Variants in ABLIM1 observed in about 807,000 individuals in gnomAD.
ABLIM1 encodes actin-binding LIM protein 1.
In ABLIM1, 40 loss-of-function variants were observed where a neutral mutation model predicts 107.0. That is an observed-to-expected ratio of 0.37 (90% CI 0.29 to 0.49). The LOEUF is 0.49. ABLIM1 is among the 20% of genes least tolerant of loss of function. The probability of loss-of-function intolerance (pLI) is 0.97; values close to 1 mark genes in which losing one functional copy is unlikely to be tolerated. For synonymous variants in ABLIM1, 357 were observed against 357.3 expected (o/e 1.00, Z 0.01); for missense variants, 857 against 1,008.5 (o/e 0.85, Z 2.04).
chr10:114,441,249 T>C (rs2060156608), intron 18 of ABLIM1, among the ~76,000 whole-genome samples, 172 bp from the exon 19 acceptor site: 1 of 152,210 alleles, frequency 6.6e-6, no homozygotes, highest in Non-Finnish European at 1.5e-5. Context: ...TCTTTGTCTT[T>C]TTTAGTGTAC....
At chr10:114,604,613 C>T (rs926190600) in intron 1 of ABLIM1, among the ~76,000 whole-genome samples, 4 of 152,216 alleles carry the variant, frequency 2.6e-5, no homozygotes, top group Non-Finnish European at 1.5e-5. Flanking sequence ...GATTCTTACG[C>T]ATACTCCAAT....
At chr10:114,697,483 G>GC in intron 1 of ABLIM1, among the ~76,000 whole-genome samples, 1 of 152,378 alleles carries the variant, frequency 6.6e-6, no homozygotes, top group South Asian at 2.1e-4. Context: ...AGCCCACTCA[G>GC]CCCGGGGCAG....
At chr10:114,510,216 AATCAACAGGGTAGT>A (rs777936119) in intron 6 of ABLIM1, among the ~76,000 whole-genome samples, 4 of 152,156 alleles carry the variant, frequency 2.6e-5, no homozygotes, top group African/African-American at 4.8e-5. Context: ...TGTGCATTAG[AATCAACAGGGTAGT>A]TTTAAAAAAG....
At chr10:114,480,813 T>TAC (rs138743461) in intron 8 of ABLIM1, among the ~76,000 whole-genome samples, 2 of 152,294 alleles carry the variant, frequency 1.3e-5, no homozygotes, top group East Asian at 3.9e-4. Flanking sequence ...TTCATGTCTT[T>TAC]ACGTTTGATT....
chr10:114,748,703 C>T (rs2082441388), intron 1 of ABLIM1, among the ~76,000 whole-genome samples: 1 of 147,084 alleles, frequency 6.8e-6, no homozygotes, highest in Non-Finnish European at 1.5e-5. Flanking sequence ...ATCACCCAGA[C>T]TGGAGTGCAG....
intron 8 of ABLIM1, among the ~76,000 whole-genome samples, chr10:114,476,838 GT>G (rs2056515793): frequency 6.6e-6 from 1 of 151,978 alleles, no homozygotes; most frequent in African/African-American, 2.4e-5. Context: ...TCAGTTTCAA[GT>G]GGCCAGGATC....
intron 1 of ABLIM1, among the ~76,000 whole-genome samples, chr10:114,760,819 T>C (rs1489903519): frequency 6.6e-6 from 1 of 152,230 alleles, no homozygotes; most frequent in East Asian, 1.9e-4. Context: ...AAATGATCTC[T>C]CTCATGTAAA....
intron 1 of ABLIM1, among the ~76,000 whole-genome samples, chr10:114,681,601 C>G (rs1211240556): frequency 2.0e-5 from 3 of 152,226 alleles, no homozygotes; most frequent in African/African-American, 4.8e-5. Context: ...ACATCCCCTT[C>G]TAACTCTCTA....
intron 1 of ABLIM1, among the ~76,000 whole-genome samples, chr10:114,720,358 G>C (rs201369050): frequency 5.3e-5 from 8 of 152,154 alleles, no homozygotes; most frequent in African/African-American, 1.9e-4. Context: ...CTTTATAACA[G>C]AATGATTTAT....
At chr10:114,535,911 G>C (rs1156795085) in intron 6 of ABLIM1, among the ~76,000 whole-genome samples, 6 of 152,172 alleles carry the variant, frequency 3.9e-5, no homozygotes, top group African/African-American at 7.2e-5. Context: ...AGTTCCTCAG[G>C]ACTGACTTTG....
chr10:114,601,653 C>T lies in ABLIM1; in HGVS notation c.379+174G>A, dbSNP rs146427127. The T allele has an allele frequency of 2.9e-4, 304 of 1,051,568 alleles. 1 individual carries two copies. Among genetic ancestry groups the T allele is most frequent in the Admixed American group, 5.2e-4 (29 of 55,416 alleles). The allele number at this position is 1,051,568 out of a possible 1,614,324, so 65.1% of individuals were successfully genotyped here. On this transcript the variant is annotated intron_variant, in intron 2 of 22. Transcript: ENST00000533213. ...ACGAATCACTGGTTTTAGCAGGACT[C>T]GTTCTCGCCCTAGAGTCTAACTGAA...
chr10:114,494,654 A>G (rs967148470), intron 6 of ABLIM1, among the ~76,000 whole-genome samples: 3 of 152,232 alleles, frequency 2.0e-5, no homozygotes, highest in Non-Finnish European at 4.4e-5. Flanking sequence ...GTAAACTCAT[A>G]TGTACACACA....
chr10:114,568,063 G>A (rs925936172), intron 4 of ABLIM1, among the ~76,000 whole-genome samples: 19 of 151,630 alleles, frequency 1.3e-4, no homozygotes, highest in East Asian at 1.9e-4. Flanking sequence ...GGTGGCAGGC[G>A]CCTGTAGTCC....
chr10:114,731,339 A>C (rs907227738), intron 1 of ABLIM1, among the ~76,000 whole-genome samples: 5 of 151,918 alleles, frequency 3.3e-5, no homozygotes, highest in Non-Finnish European at 5.9e-5. Flanking sequence ...ACAGGGTTTC[A>C]CCATGTTGCC....
At chr10:114,628,208 A>G (rs907036897) in intron 1 of ABLIM1, among the ~76,000 whole-genome samples, 1 of 152,132 alleles carries the variant, frequency 6.6e-6, no homozygotes, top group African/African-American at 2.4e-5. Context: ...GAGAACTGTG[A>G]CCAAGGTGTC....
intron 1 of ABLIM1, among the ~76,000 whole-genome samples, chr10:114,630,896 A>G (rs150473833): frequency 1.3e-3 from 192 of 152,376 alleles, no homozygotes; most frequent in African/African-American, 4.4e-3. Context: ...ACATAATAAA[A>G]GAGAAAAAAA....
chr10:114,797,324 CT>C, the ABLIM1 span, among the ~76,000 whole-genome samples: 1 of 152,190 alleles, frequency 6.6e-6, no homozygotes, highest in African/African-American at 2.4e-5. Context: ...AACCTTATTT[CT>C]GATTGATTTC....
chr10:114,444,704 T>C (rs2060759591), intron 16 of ABLIM1, among the ~76,000 whole-genome samples: 1 of 152,140 alleles, frequency 6.6e-6, no homozygotes. Flanking sequence ...TTGACTAATA[T>C]CACGTGCATT....
intron 1 of ABLIM1, among the ~76,000 whole-genome samples, chr10:114,751,807 G>T (rs1266847812): frequency 6.6e-6 from 1 of 151,886 alleles, no homozygotes; most frequent in South Asian, 2.1e-4. Context: ...TCATGCACAG[G>T]GGGGAAATGG....
Sources: allele counts gnomAD v4.1 joint callset (sites outside exome capture counted in the v4.1 genomes callset), GRCh38; gene constraint gnomAD v4.1.1; transcripts MANE v1.5; gene names NCBI Gene and HGNC (gene_info 2026-07-23, HGNC 2026-07-21).